Variants in GARNL3 observed in about 807,000 individuals in gnomAD.
GARNL3 encodes GTPase-activating Rap/Ran-GAP domain-like protein 3.
A neutral mutation model predicts 125.0 loss-of-function variants in GARNL3; 63 were observed. The observed-to-expected ratio is 0.50, with a 90% confidence interval of 0.41 to 0.62. The LOEUF (loss-of-function observed/expected upper bound fraction) is 0.62, where lower values mean the gene tolerates loss of function less well. GARNL3 is among the 20% of genes least tolerant of loss of function. The pLI, the probability that GARNL3 is intolerant of heterozygous loss-of-function variation, is 0.00. For missense variants in GARNL3, 994 were observed against 1,244.0 expected (o/e 0.80, Z 3.02); for synonymous variants, 439 against 457.5 (o/e 0.96, Z 0.52).
chr9:127,305,491 G>C (rs140393247), intron 2 of GARNL3, among the ~76,000 whole-genome samples: 2 of 152,242 alleles, frequency 1.3e-5, no homozygotes, highest in Non-Finnish European at 2.9e-5. Flanking sequence ...TTTGGAGTTG[G>C]GTTATTTCCC....
intron 22 of GARNL3, among the ~76,000 whole-genome samples, chr9:127,379,007 A>C (rs1180860752): frequency 1.3e-5 from 2 of 152,130 alleles, no homozygotes; most frequent in Non-Finnish European, 2.9e-5. Context: ...CAAACTCCTG[A>C]CCTCAAGTGA....
At position 127,365,283 on chromosome 9, in the gene GARNL3, G is replaced by A. The variant is rs770953631; in HGVS notation, c.2095-17G>A. 6.2e-7 allele frequency: 1 copy of A among 1,610,084 alleles called. No homozygotes were observed. The highest frequency in any genetic ancestry group is 8.5e-7 in the Non-Finnish European group (1 of 1,176,342). On this transcript the variant is annotated splice_polypyrimidine_tract_variant and intron_variant, in intron 21 of 27. Transcript: ENST00000373387. ...AGCATCCAGCCTGCCCACTACCGTT[G>A]CCCGTTATCATTGCAGGTTAATTTT... is the stretch of plus-strand genomic sequence containing the variant.
chr9:127,273,542 C>T (rs1157676826), intron 1 of GARNL3, among the ~76,000 whole-genome samples: 2 of 152,198 alleles, frequency 1.3e-5, no homozygotes, highest in Non-Finnish European at 2.9e-5. Flanking sequence ...TCAAGCCCAA[C>T]CATAAGTTAG....
intron 1 of GARNL3, among the ~76,000 whole-genome samples, chr9:127,231,048 ATATTTTTTTT>A (rs1199689732): frequency 1.8e-4 from 8 of 43,698 alleles, no homozygotes; most frequent in Admixed American, 6.4e-4. Context: ...ATATATATAT[ATATTTTTTTT>A]TTTTTTTTTT....
chr9:127,268,562 AACAG>A (rs957114109), intron 1 of GARNL3, among the ~76,000 whole-genome samples: 1 of 152,190 alleles, frequency 6.6e-6, no homozygotes, highest in Admixed American at 6.5e-5. Flanking sequence ...ATTGTGGTAA[AACAG>A]ACAGAACATA....
chr9:127,254,920 A>T (rs2063471746), intron 2 of GARNL3, among the ~76,000 whole-genome samples: 1 of 152,216 alleles, frequency 6.6e-6, no homozygotes, highest in African/African-American at 2.4e-5. Flanking sequence ...TTGAGCTATC[A>T]GAGGAATGCA....
chr9:127,237,668 G>A (rs1280720755), intron 1 of GARNL3, among the ~76,000 whole-genome samples: 2 of 152,224 alleles, frequency 1.3e-5, no homozygotes, highest in Non-Finnish European at 2.9e-5. Flanking sequence ...TTGCATAGCT[G>A]GCATGCCCAT....
At chr9:127,353,810 G>A (rs985741008) in intron 17 of GARNL3, 36 bp from the exon 18 acceptor site, 1 of 1,385,002 alleles carries the variant, frequency 7.2e-7, no homozygotes, top group Non-Finnish European at 1.0e-6. Flanking sequence ...GCGTGGGCTG[G>A]GTTGCAGTGA....
At chr9:127,251,243 G>A (rs568127718) in intron 2 of GARNL3, among the ~76,000 whole-genome samples, 6 of 152,264 alleles carry the variant, frequency 3.9e-5, no homozygotes, top group African/African-American at 1.4e-4. Flanking sequence ...CAGCCTGGTT[G>A]TTTTCTTGTC....
intron 2 of GARNL3, among the ~76,000 whole-genome samples, chr9:127,250,642 T>C (rs2063384830): frequency 6.6e-6 from 1 of 151,978 alleles, no homozygotes; most frequent in African/African-American, 2.4e-5. Context: ...GTTTGGAGAG[T>C]CATTAGAACA....
intron 7 of GARNL3, among the ~76,000 whole-genome samples, chr9:127,330,446 TTTC>T (rs1156279315): frequency 1.3e-5 from 2 of 152,250 alleles, no homozygotes; most frequent in Non-Finnish European, 2.9e-5. Context: ...TCTGACAAAG[TTTC>T]TTTTCTCATT....
intron 1 of GARNL3, among the ~76,000 whole-genome samples, chr9:127,287,027 G>A (rs1271259289): frequency 6.6e-6 from 1 of 152,146 alleles, no homozygotes; most frequent in Non-Finnish European, 1.5e-5. Flanking sequence ...TCTAGCCAGT[G>A]GAGAAGGAAA....
chr9:127,380,959 A>G (rs973416008), intron 22 of GARNL3, among the ~76,000 whole-genome samples: 24 of 152,106 alleles, frequency 1.6e-4, no homozygotes, highest in Non-Finnish European at 3.5e-4. Context: ...GCTCACTGCA[A>G]CCTCTACCCC....
intron 2 of GARNL3, among the ~76,000 whole-genome samples, chr9:127,295,738 T>TC (rs1554903971): frequency 9.9e-5 from 15 of 152,066 alleles, no homozygotes; most frequent in African/African-American, 3.6e-4. Flanking sequence ...TTTTTTTTTT[T>TC]ACTATTACTG....
intron 1 of GARNL3, among the ~76,000 whole-genome samples, chr9:127,226,190 C>T (rs1476723317): frequency 6.6e-6 from 1 of 152,218 alleles, no homozygotes; most frequent in Non-Finnish European, 1.5e-5. Flanking sequence ...CCCCATCACC[C>T]GCAGCAGTGG....
chr9:127,225,399 C>T, intron 1 of GARNL3: 3 of 983,348 alleles, frequency 3.1e-6, no homozygotes, highest in Non-Finnish European at 3.6e-6. Context: ...CTTCGAGAGC[C>T]CAAGGTACTG....
At chr9:127,231,304 C>T (rs1335423946) in intron 1 of GARNL3, among the ~76,000 whole-genome samples, 1 of 144,290 alleles carries the variant, frequency 6.9e-6, no homozygotes, top group Non-Finnish European at 1.5e-5. Flanking sequence ...GATCTCCTGA[C>T]CTCATGATCC....
At chr9:127,261,408 T>G (rs902070647), upstream of GARNL3, among the ~76,000 whole-genome samples, 17 of 98,326 alleles carry the variant, frequency 1.7e-4, no homozygotes, top group Admixed American at 9.0e-5. Flanking sequence ...TTTTTGTTGG[T>G]TTTTTTTTTT....
chr9:127,294,246 T>A (rs1564889147), intron 2 of GARNL3, among the ~76,000 whole-genome samples: 1 of 152,210 alleles, frequency 6.6e-6, no homozygotes, highest in Non-Finnish European at 1.5e-5. Flanking sequence ...CGTTCCCACT[T>A]GCCTTTCAGT....
Sources: gnomAD v4.1 joint callset for allele counts (sites outside exome capture counted in the v4.1 genomes callset) on GRCh38, gnomAD v4.1.1 for gene constraint, MANE v1.5 for transcripts, NCBI Gene and HGNC (gene_info 2026-07-23, HGNC 2026-07-21) for gene names.